The following FAM133A variants were observed in gnomAD, a reference collection of about 807,000 sequenced individuals.
The protein encoded by FAM133A is protein FAM133A.
For missense variants in FAM133A, 159 were observed against 164.4 expected, an observed-to-expected ratio of 0.97 and a Z score of 0.18; for synonymous variants, 65 against 58.6, an observed-to-expected ratio of 1.11 and a Z score of -0.50.
At chrX:93,689,054 T>A (rs950570390) in intron 2 of FAM133A, among the ~76,000 whole-genome samples, 9 of 108,631 alleles carry the variant, frequency 8.3e-5, no homozygotes, top group African/African-American at 3.0e-4. Context: ...ACAGCAATTT[T>A]TTTTTTTTTT....
chrX:93,679,747 CTTT>C (rs752855592), intron 2 of FAM133A, among the ~76,000 whole-genome samples: 3 of 58,761 alleles, frequency 5.1e-5, no homozygotes, highest in East Asian at 5.1e-4. Context: ...TGAAATGTGT[CTTT>C]TTTTTTTTTT....
rs146841106 is a variant in FAM133A, at chrX:93,707,456, G to A, written c.-103-1861G>A. On this transcript the variant is annotated intron_variant, in intron 3 of 3. Coordinates refer to ENST00000683942, the MANE Select transcript of FAM133A (RefSeq NM_001171109.2). ...AGAAAAATCTATTATATGTCTGATCGTCTTTCTCTTCTATATAAAAGACTT... is the reference window on the plus strand; with the variant it reads ...AGAAAAATCTATTATATGTCTGATCATCTTTCTCTTCTATATAAAAGACTT... 1.2e-3 allele frequency among the ~76,000 whole-genome samples: 138 copies of A among 111,062 alleles called. 1 individual carries two copies. Among genetic ancestry groups the A allele is most frequent in the East Asian group, 8.6e-3 (30 of 3,503 alleles).
At chrX:93,682,014 C>T (rs1376197018) in intron 2 of FAM133A, among the ~76,000 whole-genome samples, 3 of 111,609 alleles carry the variant, frequency 2.7e-5, no homozygotes, top group Non-Finnish European at 5.6e-5. Context: ...ATACATAGTT[C>T]TTTGAAAGGT....
At chrX:93,680,070 C>A (rs1226167897) in intron 2 of FAM133A, among the ~76,000 whole-genome samples, 1 of 107,258 alleles carries the variant, frequency 9.3e-6, no homozygotes. Context: ...AGCCACTGCA[C>A]CAGGCCGTGT....
intron 2 of FAM133A, 122 bp from the exon 3 acceptor site, chrX:93,698,275 C>T (rs1926445213): frequency 1.8e-5 from 2 of 111,769 alleles, no homozygotes; most frequent in African/African-American, 3.2e-5. Context: ...CACATACCTC[C>T]TCAAATTTTC....
chrX:93,691,644 T>C (rs1925903758), intron 2 of FAM133A, among the ~76,000 whole-genome samples: 1 of 111,831 alleles, frequency 8.9e-6, no homozygotes, highest in South Asian at 3.7e-4. Context: ...TATACGAATC[T>C]TCCAATCAAT....
chrX:93,689,351 A>G (rs1463669734), intron 2 of FAM133A, among the ~76,000 whole-genome samples: 6 of 111,461 alleles, frequency 5.4e-5, no homozygotes, highest in Non-Finnish European at 9.4e-5. Context: ...CACAGCAATC[A>G]TTTTTTAATT....
intron 3 of FAM133A, among the ~76,000 whole-genome samples, chrX:93,707,727 T>C (rs1927130079): frequency 9.0e-6 from 1 of 111,528 alleles, no homozygotes; most frequent in Non-Finnish European, 1.9e-5. Flanking sequence ...TATACAGACA[T>C]CACCATCTCC....
chrX:93,706,783 A>G (rs1264696093), intron 3 of FAM133A, among the ~76,000 whole-genome samples: 1 of 111,370 alleles, frequency 9.0e-6, no homozygotes, highest in African/African-American at 3.3e-5. Context: ...TGTCTCATAT[A>G]TTTCTCATTC....
intron 3 of FAM133A, among the ~76,000 whole-genome samples, chrX:93,702,189 C>G (rs758938991): frequency 1.8e-5 from 2 of 111,642 alleles, no homozygotes; most frequent in East Asian, 2.8e-4. Flanking sequence ...AATAAGCACA[C>G]CCAGTGCCAA....
intron 2 of FAM133A, among the ~76,000 whole-genome samples, chrX:93,678,052 AAGTT>A (rs1367073207): frequency 8.9e-6 from 1 of 111,768 alleles, no homozygotes; most frequent in African/African-American, 3.2e-5. Flanking sequence ...AGTGTTTTAA[AAGTT>A]AGCCATTCTA....
intron 3 of FAM133A, among the ~76,000 whole-genome samples, chrX:93,699,814 A>C (rs2147646205): frequency 1.8e-5 from 2 of 111,402 alleles, no homozygotes; most frequent in Admixed American, 9.6e-5. Context: ...GTATTACCAT[A>C]TTTAAGCTAC....
At chrX:93,681,782 G>A (rs1012708481) in intron 2 of FAM133A, among the ~76,000 whole-genome samples, 2 of 111,946 alleles carry the variant, frequency 1.8e-5, no homozygotes, top group Non-Finnish European at 3.8e-5. Flanking sequence ...CTTATAAGCA[G>A]CATTTGTCTA....
chrX:93,706,162 C>A (rs186772896), intron 3 of FAM133A, among the ~76,000 whole-genome samples: 19 of 112,302 alleles, frequency 1.7e-4, no homozygotes, highest in African/African-American at 4.8e-4. Context: ...TGTAACAAAT[C>A]TTTTCTATTT....
chrX:93,675,602 A>G (rs1408590116), intron 2 of FAM133A, among the ~76,000 whole-genome samples: 2 of 111,744 alleles, frequency 1.8e-5, no homozygotes, highest in Admixed American at 9.5e-5. Context: ...ATAAATTCCT[A>G]GAAATGGATG....
In FAM133A at chrX:93,702,020, T is replaced by C. The variant is rs781179910; in HGVS notation, c.-104+3535T>C. 2.1e-4 allele frequency among the ~76,000 whole-genome samples: 24 copies of C among 112,435 alleles called. No homozygotes were observed. The South Asian group carries it at 8.9e-3, about 42-fold the overall frequency. ...AGTCATATCACCTAGATGTCCATTA[T>C]AGTAAACACAGTATTCTATATATCA... On this transcript the variant is annotated intron_variant, in intron 3 of 3. Coordinates refer to ENST00000683942, the MANE Select transcript of FAM133A (RefSeq NM_001171109.2).
At position 93,711,552 on chromosome X, in the gene FAM133A, T is replaced by G. The variant is rs1178577360; in HGVS notation, c.*1386T>G. 8.1e-6 allele frequency: 1 copy of G among 123,115 alleles called. No homozygotes were observed. The highest frequency in any genetic ancestry group is 1.9e-5 in the Non-Finnish European group (1 of 53,210). The allele number at this position is 123,115 out of a possible 1,213,427, so 10.1% of individuals were successfully genotyped here. A position where few individuals can be genotyped will look rare whatever the true frequency, so the allele number is the denominator to read the frequency against. ...TCTCAAAACCACCTGTGATGGAGGA[T>G]GTGCTAATTGTAATGTCATAGGTAC... On this transcript the variant is annotated 3_prime_UTR_variant, in exon 4 of 4. Coordinates refer to ENST00000683942, the MANE Select transcript of FAM133A (RefSeq NM_001171109.2).
At chrX:93,683,269 A>G (rs1233028606) in intron 2 of FAM133A, among the ~76,000 whole-genome samples, 3 of 111,886 alleles carry the variant, frequency 2.7e-5, no homozygotes, top group South Asian at 3.7e-4. Flanking sequence ...AGTATTTTAG[A>G]TAAGTATTGC....
chrX:93,683,704 A>C (rs753133774), intron 2 of FAM133A, among the ~76,000 whole-genome samples: 1 of 111,446 alleles, frequency 9.0e-6, no homozygotes, highest in South Asian at 3.8e-4. Flanking sequence ...TATAATAGCC[A>C]TCCTAACTGG....
Sources: allele counts gnomAD v4.1 joint callset (sites outside exome capture counted in the v4.1 genomes callset), GRCh38; gene constraint gnomAD v4.1.1; transcripts MANE v1.5; gene names NCBI Gene and HGNC (gene_info 2026-07-23, HGNC 2026-07-21).